Variants in C10orf90 observed in about 807,000 individuals in gnomAD.
C10orf90 encodes chromosome 10 open reading frame 90, also known as (E2-independent) E3 ubiquitin-conjugating enzyme FATS.
A neutral mutation model predicts 62.5 loss-of-function variants in C10orf90; 56 were observed. That is an observed-to-expected ratio of 0.90 (90% CI 0.72 to 1.12). C10orf90 has a LOEUF of 1.12. C10orf90 is among the 50% of genes most tolerant of loss of function. C10orf90 has a pLI of 0.00. For synonymous variants in C10orf90, 386 were observed against 340.4 expected (o/e 1.13, Z -1.47); for missense variants, 970 against 880.4 (o/e 1.10, Z -1.29).
Position 126,555,449 on chromosome 10 carries a change from C to T in C10orf90, c.314-41510G>A, listed in dbSNP as rs181972623. Among the ~76,000 whole-genome samples the T allele has an allele frequency of 1.9e-3, 285 of 151,722 alleles. 2 individuals are homozygous for T. Among genetic ancestry groups the T allele is most frequent in the African/African-American group, 6.5e-3 (267 of 41,356 alleles). On this transcript the variant is annotated intron_variant, in intron 2 of 9. Coordinates refer to ENST00000488181, the MANE Select transcript of C10orf90 (RefSeq NM_001350921.2). ...ACACTTTGGAAGGCTGAGGCAGGCG[C>T]GATCACTTGAGGTCATGAGTTTGAG...
intron 2 of C10orf90, among the ~76,000 whole-genome samples, chr10:126,547,736 A>G (rs548334892): frequency 2.0e-5 from 3 of 152,274 alleles, no homozygotes; most frequent in African/African-American, 7.2e-5. Context: ...TAATGAAACA[A>G]AAAGCTCAGT....
At chr10:126,563,378 C>A (rs1864947612) in intron 2 of C10orf90, among the ~76,000 whole-genome samples, 2 of 152,202 alleles carry the variant, frequency 1.3e-5, no homozygotes, top group South Asian at 4.1e-4. Context: ...CAAGCCCTGC[C>A]TTAGCTTGAT....
intron 7 of C10orf90, among the ~76,000 whole-genome samples, chr10:126,445,287 T>C (rs922311859): frequency 6.6e-6 from 1 of 151,858 alleles, no homozygotes; most frequent in Non-Finnish European, 1.5e-5. Context: ...AGGACAAATA[T>C]CCAGAATCTA....
rs767413102 is a variant in C10orf90 at position 126,425,564 on chromosome 10, G to T, written c.*300C>A. ...CTCTGATGGGCAGGAAACAGCAGGG[G>T]AGAAGAAATCAGAAGCAAAAGGTAC... On this transcript the variant is annotated 3_prime_UTR_variant, in exon 10 of 10. Coordinates refer to ENST00000488181, the MANE Select transcript of C10orf90 (RefSeq NM_001350921.2). 1.2e-5 allele frequency: 5 copies of T among 403,890 alleles called. No individual in the cohort carries two copies. The highest frequency in any genetic ancestry group is 2.2e-5 in the Non-Finnish European group (5 of 229,018). The allele number at this position is 403,890 out of a possible 1,614,324, so 25.0% of individuals were successfully genotyped here.
intron 2 of C10orf90, among the ~76,000 whole-genome samples, chr10:126,636,248 A>T (rs1436933990): frequency 6.6e-6 from 1 of 151,900 alleles, no homozygotes; most frequent in Non-Finnish European, 1.5e-5. Flanking sequence ...GATAACAATG[A>T]CCCCTCACAC....
chr10:126,521,033 C>T (rs140767183), intron 2 of C10orf90, among the ~76,000 whole-genome samples: 27 of 152,316 alleles, frequency 1.8e-4, no homozygotes, highest in African/African-American at 5.3e-4. Context: ...AGGCCTGGAA[C>T]GTATCTTTTT....
rs1844623948 is a variant in C10orf90 at position 126,576,702 on chromosome 10, T to C, written c.314-62763A>G. On this transcript the variant is annotated intron_variant, in intron 2 of 9. Coordinates refer to ENST00000488181, the MANE Select transcript of C10orf90 (RefSeq NM_001350921.2). ...ACATATACATATACATGTATATGTATATGTATATATATACAAGATATACAT... is the reference window on the plus strand; with the variant it reads ...ACATATACATATACATGTATATGTACATGTATATATATACAAGATATACAT... Among the ~76,000 whole-genome samples the C allele has an allele frequency of 2.1e-4, 6 of 28,408 alleles. 2 individuals carry two copies. The highest frequency in any genetic ancestry group is 3.5e-4 in the Non-Finnish European group (5 of 14,182). The allele number at this position is 28,408 out of a possible 152,430, so 18.6% of individuals were successfully genotyped here.
chr10:126,479,227 C>T lies in C10orf90; in HGVS notation c.1535-14241G>A, dbSNP rs555565083. On this transcript the variant is annotated intron_variant, in intron 4 of 9. Transcript: ENST00000488181. ...GGGCTGTGCGTTATTCCAATGTGGGCGGTCCTCCTGATGGGCTTCCCATGG... is the reference window on the plus strand; with the variant it reads ...GGGCTGTGCGTTATTCCAATGTGGGTGGTCCTCCTGATGGGCTTCCCATGG... Among the ~76,000 whole-genome samples the T allele has an allele frequency of 3.9e-4, 59 of 152,306 alleles. No individual in the cohort carries two copies. The South Asian group carries it at 0.012, about 30-fold the overall frequency.
chr10:126,466,708 T>TA (rs1417291443), intron 4 of C10orf90, among the ~76,000 whole-genome samples: 1 of 152,196 alleles, frequency 6.6e-6, no homozygotes, highest in African/African-American at 2.4e-5. Context: ...GAAACCCAGC[T>TA]TTCCATGTTC....
At chr10:126,661,011 T>A (rs1237735203) in intron 1 of C10orf90, among the ~76,000 whole-genome samples, 2 of 152,216 alleles carry the variant, frequency 1.3e-5, no homozygotes, top group Non-Finnish European at 2.9e-5. Flanking sequence ...GACACAAATG[T>A]CATTAACTTG....
At chr10:126,546,930 G>A (rs1864505766) in intron 2 of C10orf90, among the ~76,000 whole-genome samples, 1 of 152,148 alleles carries the variant, frequency 6.6e-6, no homozygotes, top group Non-Finnish European at 1.5e-5. Flanking sequence ...TTCCAGTCCA[G>A]CTTGCCCAAC....
At chr10:126,613,448 A>G (rs2133805562) in intron 2 of C10orf90, among the ~76,000 whole-genome samples, 1 of 152,104 alleles carries the variant, frequency 6.6e-6, no homozygotes, top group South Asian at 2.1e-4. Flanking sequence ...GTCTGACTAT[A>G]TTGCCCAGGC....
intron 7 of C10orf90, among the ~76,000 whole-genome samples, chr10:126,439,699 A>C (rs911785506): frequency 1.2e-4 from 18 of 152,212 alleles, no homozygotes; most frequent in African/African-American, 4.3e-4. Flanking sequence ...AGGCATTAAC[A>C]GACAAATTAA....
Position 126,448,956 on chromosome 10 carries a change from T to G in C10orf90, c.2188+10084A>C, listed in dbSNP as rs558883173. Among the ~76,000 whole-genome samples the G allele has an allele frequency of 3.3e-4, 51 of 152,246 alleles. 1 individual carries two copies. In the South Asian group the frequency reaches 6.6e-3, roughly 20 times the overall value. ...CTTCATGGCTGAATTCTACCAGATA[T>G]TTAGGGAAGAATTAATACCATCCTT... On this transcript the variant is annotated intron_variant, in intron 7 of 9. Coordinates refer to ENST00000488181, the MANE Select transcript of C10orf90 (RefSeq NM_001350921.2).
At chr10:126,667,583 C>G (rs1286517045) in intron 1 of C10orf90, among the ~76,000 whole-genome samples, 1 of 152,132 alleles carries the variant, frequency 6.6e-6, no homozygotes, top group Admixed American at 6.5e-5. Context: ...AGAAAGGTCT[C>G]CACAATCAAT....
At position 126,425,585 on chromosome 10, in the gene C10orf90, G is replaced by A. The variant is rs1390218721; in HGVS notation, c.*279C>T. 2.3e-6 allele frequency: 1 copy of A among 440,640 alleles called. No individual in the cohort carries two copies. The highest frequency in any genetic ancestry group is 4.0e-6 in the Non-Finnish European group (1 of 252,288). 27.3% of individuals were successfully genotyped at this position (440,640 alleles called of 1,614,324 possible). On this transcript the variant is annotated 3_prime_UTR_variant, in exon 10 of 10. Transcript: ENST00000488181. ...AGGGGAGAAGAAATCAGAAGCAAAAGGTACAATTTAGAAGCAAAAACATTA... is the reference window on the plus strand; with the variant it reads ...AGGGGAGAAGAAATCAGAAGCAAAAAGTACAATTTAGAAGCAAAAACATTA...
intron 2 of C10orf90, among the ~76,000 whole-genome samples, chr10:126,550,049 G>T (rs565921618): frequency 6.6e-6 from 1 of 150,724 alleles, no homozygotes; most frequent in South Asian, 2.1e-4. Flanking sequence ...TCAGCCTCCC[G>T]GGTTCAAGCA....
chr10:126,442,485 A>ATATATATATATATATATATATCTATATC (rs1858418756), intron 7 of C10orf90, among the ~76,000 whole-genome samples: 2 of 76,564 alleles, frequency 2.6e-5, no homozygotes, highest in African/African-American at 9.5e-5. Context: ...TTTCATATAT[A>ATATATATATATATATATATATCTATATC]TATATATATA....
chr10:126,571,426 GA>G (rs1254004790), intron 2 of C10orf90, among the ~76,000 whole-genome samples: 1 of 152,172 alleles, frequency 6.6e-6, no homozygotes, highest in East Asian at 1.9e-4. Flanking sequence ...TCCTGCAGCA[GA>G]GACTCCTAGC....
Sources: allele counts gnomAD v4.1 joint callset (sites outside exome capture counted in the v4.1 genomes callset), GRCh38; gene constraint gnomAD v4.1.1; transcripts MANE v1.5; gene names NCBI Gene and HGNC (gene_info 2026-07-23, HGNC 2026-07-21).